Variants in HAUS4 observed in about 807,000 individuals in gnomAD.
The protein encoded by HAUS4 is HAUS augmin-like complex subunit 4.
In HAUS4, 34 loss-of-function variants were observed where a neutral mutation model predicts 50.6. The ratio of observed to expected loss-of-function variants is 0.67; its 90% CI spans 0.51 to 0.90. HAUS4 has a LOEUF of 0.90. Among genes scored for constraint, HAUS4 ranks in the 40% least tolerant of loss-of-function variants. The pLI is 0.00. For synonymous variants in HAUS4, 149 were observed against 161.4 expected (o/e 0.92, Z 0.58); for missense variants, 370 against 428.7 (o/e 0.86, Z 1.21).
Position 22,952,694 on chromosome 14 carries a change from T to C in HAUS4, c.56-11A>G, listed in dbSNP as rs369312479. On this transcript the variant is annotated splice_polypyrimidine_tract_variant and intron_variant, in intron 2 of 9. Coordinates refer to ENST00000541587, the MANE Select transcript of HAUS4 (RefSeq NM_001166269.2). ...GTTGTTTGCTGCACACTTAACATCA[T>C]GTCCCCACAGGTACAAAAAAACAAA... 7.6e-6 allele frequency: 12 copies of C among 1,586,544 alleles called. No individual in the cohort carries two copies. Among genetic ancestry groups the C allele is most frequent in the Non-Finnish European group, 8.6e-6 (10 of 1,169,394 alleles).
In HAUS4 at chr14:22,946,500, C is replaced by A; in HGVS notation, c.*25G>T. ...TTAGGAGGCAGCAGCTATGCAGAAGCCATGTCTCCTGGCCCTGCCAGAGCT... is the reference window on the plus strand; with the variant it reads ...TTAGGAGGCAGCAGCTATGCAGAAGACATGTCTCCTGGCCCTGCCAGAGCT... On this transcript the variant is annotated 3_prime_UTR_variant, in exon 10 of 10. Transcript: ENST00000541587. The A allele has an allele frequency of 1.3e-6, 2 of 1,590,422 alleles. No individual in the cohort carries two copies. Among genetic ancestry groups the A allele is most frequent in the South Asian group, 1.1e-5 (1 of 88,268 alleles).
chr14:22,952,696 T>A lies in HAUS4; in HGVS notation c.56-13A>T. ...TGTTTGCTGCACACTTAACATCATG[T>A]CCCCACAGGTACAAAAAAACAAAAA... On this transcript the variant is annotated splice_polypyrimidine_tract_variant and intron_variant, in intron 2 of 9. Transcript: ENST00000541587. 1 of 1,572,314 alleles carries A rather than the reference T, an allele frequency of 6.4e-7. No individual in the cohort carries two copies. The highest frequency in any genetic ancestry group is 8.6e-7 in the Non-Finnish European group (1 of 1,162,842).
chr14:22,952,534 C>G lies in HAUS4; in HGVS notation c.198+7G>C. 4 of 1,613,144 alleles carry G rather than the reference C, an allele frequency of 2.5e-6. No individual in the cohort carries two copies. Among genetic ancestry groups the G allele is most frequent in the Non-Finnish European group, 3.4e-6 (4 of 1,179,482 alleles). On this transcript the variant is annotated splice_region_variant and intron_variant, in intron 3 of 9. Transcript: ENST00000541587. ...CTTCTTCTTATCTCTTCTCCCAAAG[C>G]CCTTACCTGAGCCTGCTCCTTTGCT... is the stretch of plus-strand genomic sequence containing the variant.
chr14:22,950,451 TA>T (rs1168138747), intron 5 of HAUS4, 41 bp from the exon 6 acceptor site: 4 of 1,258,940 alleles, frequency 3.2e-6, no homozygotes, highest in Non-Finnish European at 4.7e-6. Context: ...GAATAGACTG[TA>T]AAAACTAGGA....
chr14:22,948,108 C>A, intron 6 of HAUS4, 95 bp from the exon 7 acceptor site: 1 of 1,204,518 alleles, frequency 8.3e-7, no homozygotes, highest in Non-Finnish European at 1.1e-6. Flanking sequence ...TCTAGACCCA[C>A]AAATCCTGCC....
At chr14:22,953,786 A>ATTT (rs60021495) in intron 2 of HAUS4, among the ~76,000 whole-genome samples, 6 of 129,970 alleles carry the variant, frequency 4.6e-5, no homozygotes, top group Non-Finnish European at 6.7e-5. Context: ...ACGCCCAGCT[A>ATTT]TTTTTTTTTT....
At chr14:22,954,185 C>G (rs1371063170) in intron 2 of HAUS4, 2 of 152,186 alleles carry the variant, frequency 1.3e-5, no homozygotes, top group African/African-American at 2.4e-5. Flanking sequence ...TCCATATGCT[C>G]AAGGAGCTTT....
intron 2 of HAUS4, chr14:22,954,522 C>G (rs2139318786): frequency 6.6e-6 from 1 of 152,164 alleles, no homozygotes; most frequent in African/African-American, 2.4e-5. Flanking sequence ...TGCTGGCTAC[C>G]CTTATTTTTA....
intron 2 of HAUS4, among the ~76,000 whole-genome samples, chr14:22,954,876 C>T (rs2044829638): frequency 6.6e-6 from 1 of 152,078 alleles, no homozygotes; most frequent in Non-Finnish European, 1.5e-5. Flanking sequence ...CAGGTACCCA[C>T]CACCACGCCC....
intron 5 of HAUS4, 55 bp from the exon 6 acceptor site, chr14:22,950,465 T>C: frequency 5.7e-6 from 6 of 1,047,132 alleles, no homozygotes; most frequent in South Asian, 1.3e-5. Flanking sequence ...AACTAGGACG[T>C]CTCAGCCAAT....
chr14:22,946,651 CTGTCTTGAGTTCTCCA>C lies in HAUS4; in HGVS notation c.950_965del (p.Met317ArgfsTer3). 1 of 1,613,768 alleles carries C rather than the reference CTGTCTTGAGTTCTCCA, an allele frequency of 6.2e-7. No individual in the cohort carries two copies. The highest frequency in any genetic ancestry group is 8.5e-7 in the Non-Finnish European group (1 of 1,179,696). On this transcript the variant is annotated frameshift_variant, in exon 10 of 10. Coordinates refer to ENST00000541587, the MANE Select transcript of HAUS4 (RefSeq NM_001166269.2). LOFTEE classifies it high-confidence loss of function. ...CAAGGACCTCATAGGAGTTCAGGACCTGTCTTGAGTTCTCCATGTCCTGCTCCTGTAGGTGAATGGC... is the reference window on the plus strand; with the variant it reads ...CAAGGACCTCATAGGAGTTCAGGACCTGTCCTGCTCCTGTAGGTGAATGGC...
At chr14:22,946,781 C>CTTTTTT (rs11414358) in intron 9 of HAUS4, 73 bp from the exon 10 acceptor site, 11 of 596,986 alleles carry the variant, frequency 1.8e-5, no homozygotes, top group South Asian at 5.4e-5. Flanking sequence ...AAATGAAAAA[C>CTTTTTT]TTTTTTTTTT....
At chr14:22,953,685 A>G (rs1397378116) in intron 2 of HAUS4, among the ~76,000 whole-genome samples, 2 of 150,924 alleles carry the variant, frequency 1.3e-5, no homozygotes, top group East Asian at 1.9e-4. Flanking sequence ...CAATGGCACG[A>G]TCTCGGCTCA....
chr14:22,946,945 A>G (rs548324504), intron 9 of HAUS4, among the ~76,000 whole-genome samples: 1 of 151,966 alleles, frequency 6.6e-6, no homozygotes, highest in East Asian at 1.9e-4. Context: ...CACCATGCCC[A>G]GCTAATTTTT....
At chr14:22,951,373 C>T in intron 5 of HAUS4, 182 bp downstream of exon 5, 1 of 658,046 alleles carries the variant, frequency 1.5e-6, no homozygotes, top group Non-Finnish European at 2.7e-6. Context: ...TAATATTGTG[C>T]TTCTAGATGC....
chr14:22,946,403 A>G lies in HAUS4; in HGVS notation c.*122T>C. ...AGTGCCTAAATGACTGCAGTGTTTC[A>G]AGCGTAAGCATTTCCACACTCCCTT... is the stretch of plus-strand genomic sequence containing the variant. On this transcript the variant is annotated 3_prime_UTR_variant, in exon 10 of 10. Coordinates refer to ENST00000541587, the MANE Select transcript of HAUS4 (RefSeq NM_001166269.2). 1 of 635,686 alleles carries G rather than the reference A, an allele frequency of 1.6e-6. No homozygotes were observed. The highest frequency in any genetic ancestry group is 1.8e-5 in the African/African-American group (1 of 54,536). The allele number at this position is 635,686 out of a possible 1,614,324, so 39.4% of individuals were successfully genotyped here. A position where few individuals can be genotyped will look rare whatever the true frequency, so the allele number is the denominator to read the frequency against.
At position 22,947,030 on chromosome 14, in the gene HAUS4, C is replaced by T. The variant is rs1256209532; in HGVS notation, c.908+141G>A. On this transcript the variant is annotated intron_variant, in intron 9 of 9. Coordinates refer to ENST00000541587, the MANE Select transcript of HAUS4 (RefSeq NM_001166269.2). ...AAACTCCTGACTCAAGCGAGCTGCC[C>T]ACCTCGGCCTCCCAAAGTGCTGGGA... The T allele has an allele frequency of 1.1e-5, 7 of 665,162 alleles. No homozygotes were observed. The South Asian group carries it at 1.2e-4, about 12-fold the overall frequency. The allele number at this position is 665,162 out of a possible 1,614,324, so 41.2% of individuals were successfully genotyped here. A position where few individuals can be genotyped will look rare whatever the true frequency, so the allele number is the denominator to read the frequency against.
chr14:22,949,911 C>T (rs1183902599), intron 6 of HAUS4, among the ~76,000 whole-genome samples: 2 of 152,098 alleles, frequency 1.3e-5, no homozygotes, highest in African/African-American at 4.8e-5. Flanking sequence ...GGCGGATCAC[C>T]TGAGGTTGGG....
intron 2 of HAUS4, chr14:22,954,730 C>CT (rs551775168): frequency 0.011 from 1,533 of 139,352 alleles, 9 homozygotes; most frequent in African/African-American, 0.019. Flanking sequence ...CTTATAAATC[C>CT]TTTTTTTTTT....
Sources: gnomAD v4.1 joint callset for allele counts (sites outside exome capture counted in the v4.1 genomes callset) on GRCh38, gnomAD v4.1.1 for gene constraint, MANE v1.5 for transcripts, NCBI Gene and HGNC (gene_info 2026-07-23, HGNC 2026-07-21) for gene names.